ZNF334: variants seen among roughly 807,000 people sequenced by gnomAD.
The protein encoded by ZNF334 is zinc finger protein 334.
Under a neutral mutation model 12.4 loss-of-function variants are expected in ZNF334, and 14 were observed. The observed-to-expected ratio is 1.13, with a 90% CI of 0.74 to 1.76. The LOEUF is 1.76. ZNF334 is among the 40% of genes most tolerant of loss of function. The pLI, the probability that ZNF334 is intolerant of heterozygous loss-of-function variation, is 0.00. For synonymous variants in ZNF334, 273 were observed against 269.6 expected (o/e 1.01, Z -0.12); for missense variants, 797 against 804.5 (o/e 0.99, Z 0.11).
the ZNF334 span, chr20:46,463,658 T>C: frequency 4.7e-6 from 1 of 213,492 alleles, no homozygotes; most frequent in Non-Finnish European, 9.7e-6. Flanking sequence ...GTTAAATTCA[T>C]GTTACAAAAC....
At chr20:46,503,424 T>C (rs182226709) in intron 4 of ZNF334, among the ~76,000 whole-genome samples, 1 of 152,350 alleles carries the variant, frequency 6.6e-6, no homozygotes, top group Admixed American at 6.5e-5. Context: ...CAAGGAATAG[T>C]ACACAAAGTA....
the ZNF334 span, among the ~76,000 whole-genome samples, chr20:46,470,221 C>T: frequency 6.6e-6 from 1 of 152,174 alleles, no homozygotes; most frequent in African/African-American, 2.4e-5. Context: ...AGCCTAGGTC[C>T]CCTGGCTGGC....
chr20:46,486,616 A>G, the ZNF334 span, among the ~76,000 whole-genome samples: 62,664 of 151,968 alleles, frequency 0.41, 14,914 homozygotes, highest in African/African-American at 0.66. Flanking sequence ...GCCAGTTTTA[A>G]GGAAAAAAAA....
the ZNF334 span, chr20:46,491,521 C>T: frequency 6.5e-6 from 1 of 152,942 alleles, no homozygotes; most frequent in African/African-American, 2.4e-5. Flanking sequence ...CCTTTAAAAG[C>T]ATCTCAAATC....
the ZNF334 span, among the ~76,000 whole-genome samples, chr20:46,471,853 G>T: frequency 6.6e-6 from 1 of 152,064 alleles, no homozygotes; most frequent in Non-Finnish European, 1.5e-5. Flanking sequence ...CTTAATATCT[G>T]GTAGTATAAG....
chr20:46,475,534 T>C, the ZNF334 span, among the ~76,000 whole-genome samples: 2 of 151,682 alleles, frequency 1.3e-5, no homozygotes, highest in South Asian at 4.2e-4. Flanking sequence ...TGACGAAGGG[T>C]TGGTATCTAA....
the ZNF334 span, among the ~76,000 whole-genome samples, chr20:46,473,333 C>A: frequency 2.6e-5 from 4 of 152,076 alleles, no homozygotes; most frequent in Admixed American, 2.0e-4. Context: ...TGCTTCCTTG[C>A]ATTGTATGGT....
At position 46,501,077 on chromosome 20, in the gene ZNF334, A is replaced by AAT; in HGVS notation, c.*217_*218dup. On this transcript the variant is annotated 3_prime_UTR_variant, in exon 5 of 5. Transcript: ENST00000692313. ...TGGCATAACCTTTGAATTGCTGTTG[A>AAT]ATATTTTCATAGTTCACAATGAATA... 1.9e-6 allele frequency: 1 copy of AAT among 521,670 alleles called. No homozygotes were observed. Among genetic ancestry groups the AAT allele is most frequent in the Non-Finnish European group, 3.3e-6 (1 of 307,580 alleles). 32.3% of individuals were successfully genotyped at this position (521,670 alleles called of 1,614,324 possible). A position where few individuals can be genotyped will look rare whatever the true frequency, so the allele number is the denominator to read the frequency against.
Position 46,501,874 on chromosome 20 carries a change from C to T in ZNF334, c.1465G>A (p.Gly489Ser), listed in dbSNP as rs1303135617. Reference protein sequence around the residue: ...HQRTHTGEKHGVFNKCGRISI... With the variant: ...HQRTHTGEKHSVFNKCGRISI... ...ATTCTACCACATTTATTAAACACAC[C>T]ATGTTTCTCTCCTGTGTGTGTTCTC... is the stretch of plus-strand genomic sequence containing the variant. The change falls in exon 5 of 5, where the codon GGT becomes AGT. Residue 489 changes from glycine to serine, a missense_variant. Transcript: ENST00000692313. 1.2e-6 allele frequency: 2 copies of T among 1,610,702 alleles called. No homozygotes were observed. The highest frequency in any genetic ancestry group is 2.2e-5 in the South Asian group (2 of 90,866).
chr20:46,465,642 G>A, the ZNF334 span, among the ~76,000 whole-genome samples: 4 of 152,130 alleles, frequency 2.6e-5, no homozygotes, highest in Admixed American at 6.5e-5. Context: ...GGAGGATCAC[G>A]TGAGTCTGAG....
At chr20:46,485,906 T>A in the ZNF334 span, among the ~76,000 whole-genome samples, 1 of 152,200 alleles carries the variant, frequency 6.6e-6, no homozygotes, top group Admixed American at 6.5e-5. Context: ...CCAAAATACT[T>A]CTTTTCTCTC....
At chr20:46,494,650 AT>A (rs1228174183), downstream of ZNF334, among the ~76,000 whole-genome samples, 6 of 152,182 alleles carry the variant, frequency 3.9e-5, no homozygotes, top group Admixed American at 3.9e-4. Context: ...GTCATCCCTA[AT>A]TTTGGTCCTT....
chr20:46,474,101 G>A, the ZNF334 span, among the ~76,000 whole-genome samples: 42 of 152,314 alleles, frequency 2.8e-4, no homozygotes, highest in African/African-American at 7.5e-4. Flanking sequence ...AAGGCCGGGC[G>A]CTGTGGCTCA....
chr20:46,463,019 G>A, the ZNF334 span, among the ~76,000 whole-genome samples: 2 of 152,174 alleles, frequency 1.3e-5, no homozygotes, highest in African/African-American at 2.4e-5. Context: ...GGTCAAGGTG[G>A]GAGGATCAGC....
the ZNF334 span, among the ~76,000 whole-genome samples, chr20:46,472,285 A>G: frequency 6.6e-6 from 1 of 152,234 alleles, no homozygotes; most frequent in African/African-American, 2.4e-5. Flanking sequence ...AGCAGTGAAC[A>G]TATGCAAAAA....
chr20:46,475,557 C>T, the ZNF334 span, among the ~76,000 whole-genome samples: 9 of 151,782 alleles, frequency 5.9e-5, no homozygotes, highest in Non-Finnish European at 1.2e-4. Flanking sequence ...TATACAAAGA[C>T]CTCTCGAAAC....
the ZNF334 span, chr20:46,464,628 T>C: frequency 4.7e-6 from 2 of 422,344 alleles, no homozygotes; most frequent in South Asian, 1.9e-5. Flanking sequence ...CATGACTCTC[T>C]GTGGAGATAC....
chr20:46,491,345 T>G, the ZNF334 span: 1 of 152,680 alleles, frequency 6.5e-6, no homozygotes, highest in African/African-American at 2.4e-5. Context: ...TGGAAAAACC[T>G]TTCACCGTTT....
rs1431063202 is a variant in ZNF334 at position 46,502,545 on chromosome 20, T to C, written c.794A>G (p.Tyr265Cys). ...HQRIHTGEKP[Y>C]VCSDCRKTFR... ...AGTTTTCCTACAATCACTACAAACA[T>C]ACGGTTTCTCCCCTGTATGAATTCT... is the stretch of plus-strand genomic sequence containing the variant. Residue 265 changes from tyrosine (Y) to cysteine (C), a missense_variant, in exon 5 of 5, where the codon TAT becomes TGT. Coordinates refer to ENST00000692313, the MANE Select transcript of ZNF334 (RefSeq NM_001353824.2). 1 of 1,613,808 alleles carries C rather than the reference T, an allele frequency of 6.2e-7. No individual in the cohort carries two copies. The highest frequency in any genetic ancestry group is 1.1e-5 in the South Asian group (1 of 91,042).
Sources: gnomAD v4.1 joint callset for allele counts (sites outside exome capture counted in the v4.1 genomes callset) on GRCh38, gnomAD v4.1.1 for gene constraint, MANE v1.5 for transcripts, NCBI Gene and HGNC (gene_info 2026-07-23, HGNC 2026-07-21) for gene names.